The following MBNL2 variants were observed in gnomAD, a reference collection of about 807,000 sequenced individuals.
The protein encoded by MBNL2 is muscleblind-like protein 2.
Under a neutral mutation model 41.9 loss-of-function variants are expected in MBNL2, and 17 were observed. The ratio of observed to expected loss-of-function variants is 0.41; its 90% CI spans 0.28 to 0.61. The LOEUF is 0.61. MBNL2 is among the 20% of genes least tolerant of loss of function. MBNL2 has a pLI of 0.35. For missense variants in MBNL2, 336 were observed against 505.6 expected (o/e 0.66, Z 3.22); for synonymous variants, 195 against 182.9 (o/e 1.07, Z -0.53).
intron 2 of MBNL2, among the ~76,000 whole-genome samples, chr13:97,323,652 C>T (rs539872754): frequency 2.6e-5 from 4 of 152,224 alleles, no homozygotes; most frequent in African/African-American, 9.6e-5. Context: ...GGAACCAGTT[C>T]CCCATGGAAA....
At chr13:97,147,312 G>C in the MBNL2 span, among the ~76,000 whole-genome samples, 4 of 152,156 alleles carry the variant, frequency 2.6e-5, no homozygotes, top group Non-Finnish European at 5.9e-5. Context: ...AATGTATGAA[G>C]GTAATTTGAG....
At chr13:97,353,660 C>T (rs1399103179) in intron 5 of MBNL2, among the ~76,000 whole-genome samples, 1 of 152,096 alleles carries the variant, frequency 6.6e-6, no homozygotes, top group Non-Finnish European at 1.5e-5. Flanking sequence ...TAACCATCAC[C>T]ATCACCAGAA....
chr13:97,235,226 T>A (rs2043054187), intron 1 of MBNL2, among the ~76,000 whole-genome samples: 1 of 152,054 alleles, frequency 6.6e-6, no homozygotes, highest in Admixed American at 6.6e-5. Context: ...TTTTTTTTCC[T>A]CTGTACTAGT....
Position 97,276,355 on chromosome 13 carries a change from C to T in MBNL2, c.120C>T (p.Pro40=). 6.2e-7 allele frequency: 1 copy of T among 1,614,088 alleles called. No homozygotes were observed. The change falls in exon 2 of 9, where the codon CCC becomes CCT. Residue 40 remains proline (P), a synonymous_variant. Transcript: ENST00000679496. ...AAGAATGCAAATTTGCTCATCCCCCCAAAAGTTGTCAGGTTGAAAATGGAA... is the reference window on the plus strand; with the variant it reads ...AAGAATGCAAATTTGCTCATCCCCCTAAAAGTTGTCAGGTTGAAAATGGAA... The part of the protein sequence containing the change: ...SDEECKFAHP[P]KSCQVENGRV...
rs533424147 is a variant in MBNL2 at position 97,252,564 on chromosome 13, T to G, written c.-604-23068T>G. On this transcript the variant is annotated intron_variant, in intron 1 of 8. Coordinates refer to ENST00000679496, the MANE Select transcript of MBNL2 (RefSeq NM_001382683.1). ...TACATCTCTAAGTAAATTTTGTTAA[T>G]TTTTTTGCTTGTCCAATACATTTTC... is the stretch of plus-strand genomic sequence containing the variant. Among the ~76,000 whole-genome samples, 17 of 152,284 alleles carry G rather than the reference T, an allele frequency of 1.1e-4. No individual in the cohort carries two copies. In the South Asian group the frequency reaches 3.3e-3, roughly 30 times the overall value.
At chr13:97,315,500 A>C (rs2058963008) in intron 2 of MBNL2, among the ~76,000 whole-genome samples, 1 of 152,202 alleles carries the variant, frequency 6.6e-6, no homozygotes, top group Non-Finnish European at 1.5e-5. Context: ...GGTTAATAGC[A>C]GGCATTAGGG....
At chr13:97,255,409 A>G (rs2047337163) in intron 1 of MBNL2, among the ~76,000 whole-genome samples, 1 of 152,208 alleles carries the variant, frequency 6.6e-6, no homozygotes, top group South Asian at 2.1e-4. Flanking sequence ...AGACTGCACT[A>G]TGTTTTCCTT....
At chr13:97,371,574 C>T (rs919558984) in intron 8 of MBNL2, among the ~76,000 whole-genome samples, 14 of 151,898 alleles carry the variant, frequency 9.2e-5, no homozygotes, top group Non-Finnish European at 1.8e-4. Flanking sequence ...TTAAAGGGTT[C>T]GGCCCTGACT....
rs182174014 is a variant in MBNL2 at position 97,366,629 on chromosome 13, G to A, written c.1048+1458G>A. 1.4e-4 allele frequency: 133 copies of A among 931,584 alleles called. 1 individual carries two copies. In the Middle Eastern group the frequency reaches 4.8e-3, roughly 34 times the overall value. The allele number at this position is 931,584 out of a possible 1,614,324, so 57.7% of individuals were successfully genotyped here. On this transcript the variant is annotated intron_variant, in intron 8 of 8. Transcript: ENST00000679496. The surrounding 1 kb of genome is among the most constrained non-coding windows in gnomAD (Gnocchi z 4.7). ...GCTGATATTTAAAAAAAAAATTCTC[G>A]GTGAGAATTTTTTTTTCATGTTTAT...
At chr13:97,267,870 G>A (rs1210165469) in intron 1 of MBNL2, among the ~76,000 whole-genome samples, 2 of 152,296 alleles carry the variant, frequency 1.3e-5, no homozygotes, top group East Asian at 3.9e-4. Flanking sequence ...AACTCCAGGT[G>A]GACATCTTTG....
At chr13:97,293,916 C>T (rs193161344) in intron 2 of MBNL2, among the ~76,000 whole-genome samples, 3 of 152,150 alleles carry the variant, frequency 2.0e-5, no homozygotes, top group Admixed American at 6.5e-5. Flanking sequence ...GCAGTATACA[C>T]GGAACCCACT....
chr13:97,146,833 G>A, the MBNL2 span, among the ~76,000 whole-genome samples: 1 of 152,148 alleles, frequency 6.6e-6, no homozygotes, highest in Non-Finnish European at 1.5e-5. Context: ...AGCCCTGCAG[G>A]CTACTTCTGG....
chr13:97,297,330 G>A (rs2057148496), intron 2 of MBNL2, among the ~76,000 whole-genome samples: 1 of 152,142 alleles, frequency 6.6e-6, no homozygotes, highest in Non-Finnish European at 1.5e-5. Context: ...TCAGCCAACT[G>A]CCGTACAGTA....
intron 1 of MBNL2, among the ~76,000 whole-genome samples, chr13:97,259,510 G>A (rs1374912468): frequency 1.3e-5 from 2 of 152,140 alleles, no homozygotes; most frequent in African/African-American, 4.8e-5. Flanking sequence ...TTGGGAGCAG[G>A]AAGAAAATGG....
chr13:97,312,030 A>G (rs535057866), intron 2 of MBNL2, among the ~76,000 whole-genome samples: 1 of 152,340 alleles, frequency 6.6e-6, no homozygotes, highest in East Asian at 1.9e-4. Context: ...ACTAGCTCTT[A>G]GTGTTGAGTT....
intron 2 of MBNL2, among the ~76,000 whole-genome samples, chr13:97,289,495 T>G (rs1238056678): frequency 6.6e-6 from 1 of 152,050 alleles, no homozygotes; most frequent in Non-Finnish European, 1.5e-5. Context: ...GAAGTTGGGA[T>G]AGCTGGAAAA....
At chr13:97,237,401 T>G (rs969448277) in intron 1 of MBNL2, among the ~76,000 whole-genome samples, 1 of 152,224 alleles carries the variant, frequency 6.6e-6, no homozygotes, top group Non-Finnish European at 1.5e-5. Context: ...GTATGAAAGA[T>G]AGTGGATGAG....
chr13:97,352,025 AAAATAAAAATATAAAT>A (rs1054037843), intron 5 of MBNL2, among the ~76,000 whole-genome samples: 1 of 116,172 alleles, frequency 8.6e-6, no homozygotes, highest in Non-Finnish European at 1.7e-5. Context: ...CTGTCTCAGA[AAAATAAAAATATAAAT>A]AAATAAATAA....
At chr13:97,345,625 A>G (rs1203906492) in intron 4 of MBNL2, among the ~76,000 whole-genome samples, 1 of 151,898 alleles carries the variant, frequency 6.6e-6, no homozygotes, top group African/African-American at 2.4e-5. Flanking sequence ...CTGTGCTGTC[A>G]AAAATAGTAT....
Sources: allele counts gnomAD v4.1 joint callset (sites outside exome capture counted in the v4.1 genomes callset), GRCh38; gene constraint gnomAD v4.1.1; non-coding constraint Gnocchi (gnomAD v3.1); transcripts MANE v1.5; gene names NCBI Gene and HGNC (gene_info 2026-07-23, HGNC 2026-07-21).